SEC22A: variants seen among roughly 807,000 people sequenced by gnomAD.
SEC22A encodes vesicle-trafficking protein SEC22a.
A neutral mutation model predicts 35.3 loss-of-function variants in SEC22A; 22 were observed. The observed-to-expected ratio is 0.62, with a 90% CI of 0.45 to 0.89. The LOEUF (loss-of-function observed/expected upper bound fraction) is 0.89, where lower values mean the gene tolerates loss of function less well. SEC22A is among the 40% of genes least tolerant of loss of function. The pLI is 0.00. For missense variants in SEC22A, 354 were observed against 362.5 expected (o/e 0.98, Z 0.19); for synonymous variants, 119 against 129.5 (o/e 0.92, Z 0.55).
rs1294749119 is a variant in SEC22A, at chr3:123,225,175, A to G, written c.419A>G (p.Asp140Gly). The G allele has an allele frequency of 1.9e-6, 3 of 1,613,622 alleles. No individual in the cohort carries two copies. The highest frequency in any genetic ancestry group is 3.3e-5 in the Admixed American group (2 of 60,002). Residue 140 changes from aspartate to glycine, a missense_variant, in exon 4 of 7, where the codon GAC becomes GGC. By Grantham distance (94) the Asp-to-Gly change is moderately conservative (BLOSUM62 -1). Coordinates refer to ENST00000492595, the MANE Select transcript of SEC22A (RefSeq NM_012430.5). ...RSLSTKINLS[D>G]MQTEIKLRPP... Reference sequence around the variant, plus strand: ...CTTTCAACAAAGATAAATCTTTCTGACATGCAGACGGAAATCAAGCTGAGG... The same window carrying G: ...CTTTCAACAAAGATAAATCTTTCTGGCATGCAGACGGAAATCAAGCTGAGG...
intron 4 of SEC22A, among the ~76,000 whole-genome samples, chr3:123,235,020 C>CAAAA (rs535445052): frequency 8.2e-6 from 1 of 121,662 alleles, no homozygotes. Context: ...GACCTTGTCT[C>CAAAA]AAAAAAAAAA....
intron 2 of SEC22A, among the ~76,000 whole-genome samples, chr3:123,209,752 G>A (rs558679625): frequency 3.9e-5 from 6 of 152,260 alleles, no homozygotes; most frequent in Non-Finnish European, 5.9e-5. Context: ...AGCAACTTAC[G>A]TCTAGTGGGA....
chr3:123,220,333 A>C (rs900054646), intron 2 of SEC22A, among the ~76,000 whole-genome samples: 1 of 152,196 alleles, frequency 6.6e-6, no homozygotes, highest in Non-Finnish European at 1.5e-5. Flanking sequence ...AATTGTCTTC[A>C]GGTTATTGAG....
intron 4 of SEC22A, among the ~76,000 whole-genome samples, chr3:123,228,194 AGT>A (rs1280044839): frequency 3.3e-5 from 5 of 152,054 alleles, no homozygotes; most frequent in African/African-American, 1.2e-4. Flanking sequence ...GTAGGGGGAG[AGT>A]GGGCTAGTAC....
chr3:123,238,073 G>C (rs1937451152), intron 4 of SEC22A, among the ~76,000 whole-genome samples: 1 of 152,156 alleles, frequency 6.6e-6, no homozygotes, highest in African/African-American at 2.4e-5. Context: ...AGGATTGCTT[G>C]AGCCTGGGAG....
At chr3:123,218,011 T>C (rs1168022258) in intron 2 of SEC22A, among the ~76,000 whole-genome samples, 1 of 152,234 alleles carries the variant, frequency 6.6e-6, no homozygotes, top group Admixed American at 6.5e-5. Context: ...TGGTGATATG[T>C]AAAATTTCTT....
intron 1 of SEC22A, among the ~76,000 whole-genome samples, chr3:123,205,645 C>G (rs1242970814): frequency 1.3e-5 from 2 of 152,014 alleles, no homozygotes; most frequent in East Asian, 3.9e-4. Context: ...CCATTGCACT[C>G]CAGCCTGGGC....
intron 4 of SEC22A, among the ~76,000 whole-genome samples, chr3:123,241,947 T>C (rs1319572739): frequency 7.2e-6 from 1 of 138,064 alleles, no homozygotes; most frequent in African/African-American, 2.8e-5. Context: ...ACCACTTTTC[T>C]GGAAAAAAAA....
At chr3:123,238,063 A>G in intron 4 of SEC22A, among the ~76,000 whole-genome samples, 1 of 152,090 alleles carries the variant, frequency 6.6e-6, no homozygotes, top group East Asian at 1.9e-4. Context: ...CTGAGGCAGG[A>G]GGATTGCTTG....
rs753986985 is a variant in SEC22A at position 123,225,231 on chromosome 3, G to C, written c.475G>C (p.Gly159Arg). The change falls in exon 4 of 7, where the codon GGG (glycine) becomes CGG (arginine). Residue 159 changes from glycine to arginine, a missense_variant. Gly to Arg is a moderately radical substitution (Grantham distance 125). Coordinates refer to ENST00000492595, the MANE Select transcript of SEC22A (RefSeq NM_012430.5). Reference sequence around the variant, plus strand: ...TTATCAAATTTCCATGTGCGAACTGGGGTCAGCCAATGGAGTCACATCAGC... The same window carrying C: ...TTATCAAATTTCCATGTGCGAACTGCGGTCAGCCAATGGAGTCACATCAGC... ...PPYQISMCEL[G>R]SANGVTSAFS... is the part of the protein sequence containing the mutation. 3.1e-6 allele frequency: 5 copies of C among 1,613,712 alleles called. No individual in the cohort carries two copies. The South Asian group carries it at 5.5e-5, about 18-fold the overall frequency.
In SEC22A at chr3:123,271,903, A is replaced by G; in HGVS notation, c.*181A>G. 3.4e-6 allele frequency: 2 copies of G among 587,024 alleles called. No homozygotes were observed. Among genetic ancestry groups the G allele is most frequent in the East Asian group, 2.8e-5 (1 of 35,692 alleles). The allele number at this position is 587,024 out of a possible 1,614,324, so 36.4% of individuals were successfully genotyped here. ...AGCATGGAAGAGTCCTCTCAGAAGA[A>G]TGTTGGCCATGAGACTATCATTCAG... On this transcript the variant is annotated 3_prime_UTR_variant, in exon 7 of 7. Transcript: ENST00000492595.
chr3:123,248,919 C>A (rs554343936), intron 5 of SEC22A, among the ~76,000 whole-genome samples: 1 of 152,270 alleles, frequency 6.6e-6, no homozygotes, highest in South Asian at 2.1e-4. Flanking sequence ...TTAACACTAT[C>A]TGCCTGGAGT....
intron 1 of SEC22A, among the ~76,000 whole-genome samples, chr3:123,202,632 G>A (rs1936768930): frequency 1.3e-5 from 2 of 152,098 alleles, no homozygotes; most frequent in African/African-American, 4.8e-5. Flanking sequence ...AAAAGGACAA[G>A]CCCCAGCTGG....
At chr3:123,266,570 C>G (rs991957280) in intron 6 of SEC22A, among the ~76,000 whole-genome samples, 3 of 152,100 alleles carry the variant, frequency 2.0e-5, no homozygotes, top group African/African-American at 4.8e-5. Flanking sequence ...CGTTTCACTT[C>G]TAAATGTTTG....
chr3:123,223,483 T>C (rs1937166140), intron 2 of SEC22A, 76 bp from the exon 3 acceptor site: 1 of 1,155,248 alleles, frequency 8.7e-7, no homozygotes. Flanking sequence ...TTATGGTGTA[T>C]AGAACCAGTC....
chr3:123,262,391 A>G (rs114737881), intron 6 of SEC22A, among the ~76,000 whole-genome samples: 1 of 152,236 alleles, frequency 6.6e-6, no homozygotes, highest in Non-Finnish European at 1.5e-5. Context: ...AGAGTCATCA[A>G]TTGTTAACAT....
At chr3:123,268,830 T>C (rs1938082556) in intron 6 of SEC22A, among the ~76,000 whole-genome samples, 1 of 152,216 alleles carries the variant, frequency 6.6e-6, no homozygotes, top group Non-Finnish European at 1.5e-5. Flanking sequence ...TACCTTTTGA[T>C]CTATGATACA....
chr3:123,237,348 C>G (rs1476890096), intron 4 of SEC22A, among the ~76,000 whole-genome samples: 1 of 151,962 alleles, frequency 6.6e-6, no homozygotes, highest in East Asian at 1.9e-4. Context: ...TACAACAGGT[C>G]AGAGAATGAA....
At chr3:123,214,434 T>G (rs1936988702) in intron 2 of SEC22A, among the ~76,000 whole-genome samples, 3 of 152,286 alleles carry the variant, frequency 2.0e-5, no homozygotes, top group Admixed American at 2.0e-4. Flanking sequence ...GCATTCAGAG[T>G]GCCAGAGAAA....
Sources: allele counts gnomAD v4.1 joint callset (sites outside exome capture counted in the v4.1 genomes callset), GRCh38; gene constraint gnomAD v4.1.1; transcripts MANE v1.5; gene names NCBI Gene and HGNC (gene_info 2026-07-23, HGNC 2026-07-21).